The following ASXL3 variants were observed in gnomAD, a reference collection of about 807,000 sequenced individuals.
The protein encoded by ASXL3 is ASXL transcriptional regulator 3.
ASXL3 carries 34 observed loss-of-function variants against 170.6 expected under a neutral mutation model. That is an observed-to-expected ratio of 0.20 (90% CI 0.15 to 0.27). ASXL3 has a LOEUF of 0.27. Among genes scored for constraint, ASXL3 ranks in the 10% least tolerant of loss-of-function variants. The pLI, the probability that ASXL3 is intolerant of heterozygous loss-of-function variation, is 1.00. For synonymous variants in ASXL3, 1,002 were observed against 989.1 expected, an observed-to-expected ratio of 1.01 and a Z score of -0.24; for missense variants, 2,592 against 2,695.3, an observed-to-expected ratio of 0.96 and a Z score of 0.85.
intron 1 of ASXL3, among the ~76,000 whole-genome samples, chr18:33,586,125 A>G (rs992980305): frequency 2.1e-4 from 32 of 152,216 alleles, no homozygotes; most frequent in African/African-American, 7.2e-4. Context: ...TTCAGTAAAT[A>G]GAAACTGAAA....
intron 7 of ASXL3, among the ~76,000 whole-genome samples, chr18:33,677,821 C>T (rs1187848982): frequency 6.6e-6 from 1 of 152,092 alleles, no homozygotes. Flanking sequence ...TAGATTTTGC[C>T]TTCTGATAGA....
chr18:33,637,785 A>G (rs892370158), intron 2 of ASXL3, among the ~76,000 whole-genome samples: 1 of 152,164 alleles, frequency 6.6e-6, no homozygotes, highest in Admixed American at 6.6e-5. Context: ...TTTGTACATG[A>G]TCACATCTCA....
At chr18:33,662,893 A>T (rs2066197393) in intron 5 of ASXL3, among the ~76,000 whole-genome samples, 1 of 152,212 alleles carries the variant, frequency 6.6e-6, no homozygotes, top group Non-Finnish European at 1.5e-5. Flanking sequence ...CTAGACTTAG[A>T]CATCTCTACC....
chr18:33,699,608 G>A (rs2145322315), intron 8 of ASXL3, among the ~76,000 whole-genome samples: 1 of 152,072 alleles, frequency 6.6e-6, no homozygotes, highest in East Asian at 1.9e-4. Flanking sequence ...AAACTAGTTT[G>A]GAGTGGTTTC....
At chr18:33,742,191 C>T (rs1382106370) in intron 11 of ASXL3, among the ~76,000 whole-genome samples, 4 of 152,228 alleles carry the variant, frequency 2.6e-5, no homozygotes, top group Non-Finnish European at 2.9e-5. Flanking sequence ...AATGTAGTCT[C>T]ATTCCATCTT....
intron 8 of ASXL3, among the ~76,000 whole-genome samples, chr18:33,725,442 T>G (rs1375689128): frequency 1.3e-5 from 2 of 152,150 alleles, no homozygotes; most frequent in African/African-American, 4.8e-5. Context: ...TTTCTACTTT[T>G]GCTTAGTCTT....
intron 7 of ASXL3, among the ~76,000 whole-genome samples, chr18:33,682,531 A>G (rs1250473064): frequency 1.3e-5 from 2 of 152,016 alleles, no homozygotes; most frequent in Admixed American, 6.5e-5. Context: ...TGCATTTCAG[A>G]CCTAGTGGCT....
chr18:33,733,354 T>C (rs1484079733), intron 9 of ASXL3, among the ~76,000 whole-genome samples: 1 of 152,206 alleles, frequency 6.6e-6, no homozygotes, highest in Non-Finnish European at 1.5e-5. Context: ...ATTTCTGTAA[T>C]GTCACAACTG....
At chr18:33,674,058 A>G (rs759028648) in intron 7 of ASXL3, among the ~76,000 whole-genome samples, 2 of 152,212 alleles carry the variant, frequency 1.3e-5, no homozygotes, top group Non-Finnish European at 2.9e-5. Context: ...AGTTTTGTAC[A>G]GTAGAATGAC....
chr18:33,736,537 C>A (rs1046419112), intron 10 of ASXL3, among the ~76,000 whole-genome samples: 21 of 152,168 alleles, frequency 1.4e-4, no homozygotes, highest in Middle Eastern at 3.4e-3. Flanking sequence ...ACTGACACCA[C>A]GTGCCTTTTC....
intron 4 of ASXL3, among the ~76,000 whole-genome samples, chr18:33,660,440 C>CAT (rs1341100869): frequency 2.0e-5 from 3 of 152,122 alleles, no homozygotes; most frequent in Non-Finnish European, 4.4e-5. Flanking sequence ...TCTCAAGGTG[C>CAT]ATATGCCTGT....
chr18:33,687,160 G>A (rs1422506441), intron 8 of ASXL3, among the ~76,000 whole-genome samples: 1 of 152,200 alleles, frequency 6.6e-6, no homozygotes, highest in Non-Finnish European at 1.5e-5. Flanking sequence ...TTGTGGGCCT[G>A]TCAGCATTTT....
chr18:33,730,654 C>T (rs554826765), intron 8 of ASXL3, among the ~76,000 whole-genome samples: 2 of 151,884 alleles, frequency 1.3e-5, no homozygotes, highest in African/African-American at 4.8e-5. Context: ...TGAACCCAGG[C>T]GGGTGAAAAG....
At chr18:33,634,106 A>T (rs2145178453) in intron 2 of ASXL3, among the ~76,000 whole-genome samples, 1 of 152,230 alleles carries the variant, frequency 6.6e-6, no homozygotes, top group Non-Finnish European at 1.5e-5. Context: ...GAGGACTTTT[A>T]ACTGGGTATA....
chr18:33,642,112 C>T (rs1279353887), intron 2 of ASXL3, among the ~76,000 whole-genome samples: 1 of 151,590 alleles, frequency 6.6e-6, no homozygotes, highest in Non-Finnish European at 1.5e-5. Flanking sequence ...TGTGTATATA[C>T]AATATATAGT....
chr18:33,629,794 TA>T (rs1405688705), intron 2 of ASXL3, among the ~76,000 whole-genome samples: 2 of 152,048 alleles, frequency 1.3e-5, no homozygotes, highest in Admixed American at 6.6e-5. Flanking sequence ...GATATTTCTG[TA>T]AAACAAAAGT....
At chr18:33,707,206 C>A (rs2066974905) in intron 8 of ASXL3, among the ~76,000 whole-genome samples, 1 of 151,696 alleles carries the variant, frequency 6.6e-6, no homozygotes, top group Admixed American at 6.6e-5. Flanking sequence ...GATTAGAAGC[C>A]CTTTGTATTT....
chr18:33,658,628 T>A (rs546232878), intron 4 of ASXL3, among the ~76,000 whole-genome samples: 3 of 152,240 alleles, frequency 2.0e-5, no homozygotes, highest in Admixed American at 2.0e-4. Flanking sequence ...CACATACTTT[T>A]TTTCTGTTAC....
In ASXL3 at chr18:33,745,944, C is replaced by T; in HGVS notation, c.6096C>T (p.Pro2032=). The part of the protein sequence containing the change: ...PPPPPPPLAL[P]PPPPPPPPLP... Reference sequence around the variant, plus strand: ...CTCCCCCTCCACCCTTGGCTTTGCCCCCGCCTCCCCCCCCACCACCTCCGC... The same window carrying T: ...CTCCCCCTCCACCCTTGGCTTTGCCTCCGCCTCCCCCCCCACCACCTCCGC... The change falls in exon 12 of 12, where the codon CCC becomes CCT. Residue 2032 remains proline, a synonymous_variant. Transcript: ENST00000269197. The T allele has an allele frequency of 8.3e-6, 8 of 968,890 alleles. No individual in the cohort carries two copies. The highest frequency in any genetic ancestry group is 1.4e-5 in the South Asian group (1 of 73,382). 60.0% of individuals were successfully genotyped at this position (968,890 alleles called of 1,614,324 possible).
Sources: gnomAD v4.1 joint callset for allele counts (sites outside exome capture counted in the v4.1 genomes callset) on GRCh38, gnomAD v4.1.1 for gene constraint, MANE v1.5 for transcripts, NCBI Gene and HGNC (gene_info 2026-07-23, HGNC 2026-07-21) for gene names.